HMGCLL1: variants seen among roughly 807,000 people sequenced by gnomAD.
HMGCLL1 encodes the protein 3-hydroxy-3-methylglutaryl-CoA lyase like 1.
In HMGCLL1, 36 loss-of-function variants were observed where a neutral mutation model predicts 39.1. The ratio of observed to expected loss-of-function variants is 0.92; its 90% CI spans 0.71 to 1.22. The LOEUF is 1.22. Ranked by LOEUF, HMGCLL1 falls within the 50% of genes most tolerant of loss-of-function variation. The pLI is 0.00. For synonymous variants in HMGCLL1, 149 were observed against 144.0 expected, an observed-to-expected ratio of 1.03 and a Z score of -0.25; for missense variants, 451 against 416.5, an observed-to-expected ratio of 1.08 and a Z score of -0.72.
chr6:55,568,368 T>C (rs1295984532), intron 1 of HMGCLL1, among the ~76,000 whole-genome samples: 2 of 152,202 alleles, frequency 1.3e-5, no homozygotes, highest in Non-Finnish European at 2.9e-5. Context: ...TAATCCAGTG[T>C]TCAGAAATGG....
the HMGCLL1 span, among the ~76,000 whole-genome samples, chr6:55,609,447 T>C: frequency 6.6e-6 from 1 of 152,272 alleles, no homozygotes; most frequent in African/African-American, 2.4e-5. Flanking sequence ...GGCCAGACCC[T>C]GACCCATTCC....
At chr6:55,641,410 G>T in the HMGCLL1 span, among the ~76,000 whole-genome samples, 1 of 151,822 alleles carries the variant, frequency 6.6e-6, no homozygotes, top group East Asian at 1.9e-4. Flanking sequence ...ATAGTAATAG[G>T]TATATTAAAG....
chr6:55,586,569 A>T, the HMGCLL1 span, among the ~76,000 whole-genome samples: 1 of 133,318 alleles, frequency 7.5e-6, no homozygotes, highest in African/African-American at 2.8e-5. Context: ...AACAGGCCCC[A>T]GTGTGTGATG....
the HMGCLL1 span, among the ~76,000 whole-genome samples, chr6:55,606,696 A>C: frequency 2.0e-5 from 3 of 152,068 alleles, no homozygotes. Context: ...GAATTCCCTC[A>C]TATATATATT....
intron 1 of HMGCLL1, among the ~76,000 whole-genome samples, chr6:55,567,172 A>G (rs1771259442): frequency 6.6e-6 from 1 of 152,146 alleles, no homozygotes; most frequent in Non-Finnish European, 1.5e-5. Flanking sequence ...GGGTATCCCA[A>G]GTACTTCAAA....
intron 7 of HMGCLL1, among the ~76,000 whole-genome samples, chr6:55,473,793 T>C (rs964728263): frequency 1.1e-4 from 17 of 151,628 alleles, no homozygotes; most frequent in African/African-American, 4.1e-4. Context: ...TGGGCAGATA[T>C]ATTGATGGAA....
At chr6:55,627,312 C>A in the HMGCLL1 span, among the ~76,000 whole-genome samples, 1 of 152,044 alleles carries the variant, frequency 6.6e-6, no homozygotes, top group South Asian at 2.1e-4. Context: ...GATTTATTGA[C>A]TTCTTGTCAG....
intron 3 of HMGCLL1, 138 bp from the exon 4 acceptor site, chr6:55,516,741 G>T (rs1236288734): frequency 1.6e-5 from 8 of 492,918 alleles, no homozygotes; most frequent in Non-Finnish European, 2.6e-5. Flanking sequence ...AAATGCCAGT[G>T]AATGTAAAGG....
At chr6:55,587,868 T>A in the HMGCLL1 span, among the ~76,000 whole-genome samples, 4 of 152,056 alleles carry the variant, frequency 2.6e-5, no homozygotes, top group Non-Finnish European at 5.9e-5. Flanking sequence ...CCTAAATATA[T>A]ATGCACCCAA....
At chr6:55,514,548 T>A (rs549909481) in intron 4 of HMGCLL1, among the ~76,000 whole-genome samples, 1 of 152,150 alleles carries the variant, frequency 6.6e-6, no homozygotes, top group African/African-American at 2.4e-5. Context: ...TTATCCTCCA[T>A]GAAAAAATAT....
At chr6:55,484,092 A>G (rs1765880739) in intron 7 of HMGCLL1, among the ~76,000 whole-genome samples, 2 of 152,202 alleles carry the variant, frequency 1.3e-5, no homozygotes, top group African/African-American at 4.8e-5. Context: ...AATGAAGCCA[A>G]AGAAAAGATA....
chr6:55,514,975 T>C (rs1767660011), intron 4 of HMGCLL1, among the ~76,000 whole-genome samples: 1 of 151,574 alleles, frequency 6.6e-6, no homozygotes, highest in African/African-American at 2.4e-5. Flanking sequence ...GGGGGGGAGG[T>C]CAGGTGCGGT....
At chr6:55,650,119 A>G in the HMGCLL1 span, among the ~76,000 whole-genome samples, 1 of 80,570 alleles carries the variant, frequency 1.2e-5, no homozygotes, top group African/African-American at 5.7e-5. Context: ...ATATATATAT[A>G]TATATATATA....
At chr6:55,436,779 T>C (rs760784744) in intron 8 of HMGCLL1, among the ~76,000 whole-genome samples, 4 of 152,082 alleles carry the variant, frequency 2.6e-5, no homozygotes, top group Non-Finnish European at 4.4e-5. Flanking sequence ...CATTTCGATA[T>C]AGCTAATTAC....
At chr6:55,536,245 C>G (rs1309376479) in intron 3 of HMGCLL1, among the ~76,000 whole-genome samples, 1 of 152,014 alleles carries the variant, frequency 6.6e-6, no homozygotes, top group Admixed American at 6.6e-5. Flanking sequence ...TTTTTATTCC[C>G]TGGTGTTGGG....
At chr6:55,570,113 C>T (rs1411684899) in intron 1 of HMGCLL1, among the ~76,000 whole-genome samples, 1 of 152,204 alleles carries the variant, frequency 6.6e-6, no homozygotes, top group Non-Finnish European at 1.5e-5. Flanking sequence ...CCTTATTTTA[C>T]AGTCCAGCTT....
chr6:55,650,128 TATATATAC>T, the HMGCLL1 span, among the ~76,000 whole-genome samples: 32 of 53,674 alleles, frequency 6.0e-4, no homozygotes, highest in East Asian at 3.8e-3. Flanking sequence ...TATATATATA[TATATATAC>T]ACACACACAC....
chr6:55,503,350 A>AT (rs1766991873), intron 5 of HMGCLL1, among the ~76,000 whole-genome samples: 2 of 151,852 alleles, frequency 1.3e-5, no homozygotes, highest in Admixed American at 1.3e-4. Context: ...AGAACATTGA[A>AT]TTTTTTCCCA....
intron 7 of HMGCLL1, among the ~76,000 whole-genome samples, chr6:55,464,219 TATAAAG>T (rs1032160563): frequency 2.0e-5 from 3 of 152,200 alleles, no homozygotes; most frequent in Non-Finnish European, 4.4e-5. Context: ...CATAGATTTT[TATAAAG>T]ATAATTTACT....
Sources: gnomAD v4.1 joint callset for allele counts (sites outside exome capture counted in the v4.1 genomes callset) on GRCh38, gnomAD v4.1.1 for gene constraint, MANE v1.5 for transcripts, NCBI Gene and HGNC (gene_info 2026-07-23, HGNC 2026-07-21) for gene names.